PPARGC1A: variants seen among roughly 807,000 people sequenced by gnomAD.
PPARGC1A encodes the protein peroxisome proliferator-activated receptor gamma coactivator 1-alpha.
In PPARGC1A, 25 loss-of-function variants were observed where a neutral mutation model predicts 88.7. That is an observed-to-expected ratio of 0.28 (90% CI 0.21 to 0.39). PPARGC1A has a LOEUF of 0.39. Ranked by LOEUF, PPARGC1A falls within the 10% of genes least tolerant of loss-of-function variation. The probability of loss-of-function intolerance (pLI) is 1.00; values close to 1 mark genes in which losing one functional copy is unlikely to be tolerated. For missense variants in PPARGC1A, 880 were observed against 968.7 expected (o/e 0.91, Z 1.22); for synonymous variants, 363 against 355.6 (o/e 1.02, Z -0.24).
chr4:24,245,925 GCACA>G, the PPARGC1A span, among the ~76,000 whole-genome samples: 5,244 of 148,440 alleles, frequency 0.035, 202 homozygotes, highest in African/African-American at 0.092. Flanking sequence ...AAAGCCATGT[GCACA>G]CACACACACA....
the PPARGC1A span, among the ~76,000 whole-genome samples, chr4:24,046,092 C>G: frequency 3.3e-5 from 5 of 152,036 alleles, no homozygotes; most frequent in Non-Finnish European, 5.9e-5. Context: ...AACAATGTAC[C>G]CTGAACATCC....
At chr4:23,854,987 G>A (rs758406600) in intron 2 of PPARGC1A, among the ~76,000 whole-genome samples, 2 of 152,128 alleles carry the variant, frequency 1.3e-5, no homozygotes, top group African/African-American at 2.4e-5. Flanking sequence ...TAATTCCCAC[G>A]TGTGTAGGAG....
chr4:23,897,153 A>G (rs1368480933), intron 1 of PPARGC1A, among the ~76,000 whole-genome samples: 2 of 152,216 alleles, frequency 1.3e-5, no homozygotes, highest in Admixed American at 6.5e-5. Context: ...CATGTTCTCA[A>G]ATTTCCTGGG....
chr4:24,383,010 A>C, the PPARGC1A span, among the ~76,000 whole-genome samples: 1 of 152,218 alleles, frequency 6.6e-6, no homozygotes, highest in Non-Finnish European at 1.5e-5. Context: ...ACTCTCTGGG[A>C]AGAAGCTTCC....
chr4:24,040,324 T>A, the PPARGC1A span, among the ~76,000 whole-genome samples: 1 of 152,204 alleles, frequency 6.6e-6, no homozygotes. Flanking sequence ...ATTTTTCTCA[T>A]CACTGACCTC....
At chr4:23,968,740 T>A in the PPARGC1A span, among the ~76,000 whole-genome samples, 8 of 151,706 alleles carry the variant, frequency 5.3e-5, no homozygotes, top group Non-Finnish European at 8.8e-5. Context: ...CATGGTGAAA[T>A]CACATCTCTA....
At chr4:23,929,116 TG>T in the PPARGC1A span, among the ~76,000 whole-genome samples, 6,519 of 152,132 alleles carry the variant, frequency 0.043, 185 homozygotes, top group East Asian at 0.14. Flanking sequence ...ATCCTGCACA[TG>T]TACCCTGGAA....
the PPARGC1A span, among the ~76,000 whole-genome samples, chr4:24,229,095 C>A: frequency 6.7e-6 from 1 of 149,194 alleles, no homozygotes; most frequent in African/African-American, 2.5e-5. Context: ...GAGGACTGGG[C>A]CCCACTTCCA....
chr4:23,844,850 AT>A (rs1727993626), intron 2 of PPARGC1A, among the ~76,000 whole-genome samples: 1 of 122,676 alleles, frequency 8.2e-6, no homozygotes, highest in Non-Finnish European at 1.6e-5. Flanking sequence ...GATATATATT[AT>A]TATAATATAT....
the PPARGC1A span, among the ~76,000 whole-genome samples, chr4:24,262,108 C>T: frequency 1.3e-5 from 2 of 152,118 alleles, no homozygotes; most frequent in African/African-American, 4.8e-5. Flanking sequence ...CAACCCCCAC[C>T]AAGTCACCAC....
At chr4:24,049,284 A>G in the PPARGC1A span, among the ~76,000 whole-genome samples, 1 of 120,160 alleles carries the variant, frequency 8.3e-6, no homozygotes, top group East Asian at 2.4e-4. Context: ...ATACACATAT[A>G]TATGTGTGTA....
At chr4:23,802,676 CA>C (rs397823520) in intron 10 of PPARGC1A, among the ~76,000 whole-genome samples, 2,371 of 26,092 alleles carry the variant, frequency 0.091, 11 homozygotes, top group African/African-American at 0.19. Context: ...GACTCCATCT[CA>C]AAAAAAAAAA....
the PPARGC1A span, among the ~76,000 whole-genome samples, chr4:24,342,944 CTG>C: frequency 1.3e-5 from 2 of 152,162 alleles, no homozygotes; most frequent in South Asian, 4.1e-4. Flanking sequence ...TGACAGAAAA[CTG>C]GGCTAGAGAG....
At chr4:24,029,480 T>G in the PPARGC1A span, among the ~76,000 whole-genome samples, 34 of 152,214 alleles carry the variant, frequency 2.2e-4, no homozygotes, top group Non-Finnish European at 7.3e-5. Flanking sequence ...ATTGGAAATC[T>G]CAGATTGCTA....
the PPARGC1A span, among the ~76,000 whole-genome samples, chr4:24,172,334 A>G: frequency 1.3e-5 from 2 of 152,148 alleles, no homozygotes; most frequent in East Asian, 3.8e-4. Flanking sequence ...AAAGAGGACA[A>G]TTCATCAAGG....
intron 2 of PPARGC1A, among the ~76,000 whole-genome samples, chr4:23,845,662 G>A (rs575199464): frequency 4.6e-5 from 7 of 152,176 alleles, no homozygotes; most frequent in Admixed American, 1.3e-4. Flanking sequence ...TTAGAGCTTG[G>A]GATTGGGTCT....
the PPARGC1A span, among the ~76,000 whole-genome samples, chr4:24,104,192 C>T: frequency 6.6e-6 from 1 of 152,186 alleles, no homozygotes; most frequent in African/African-American, 2.4e-5. Context: ...AGCAAAAGCT[C>T]CTTAACAGTA....
the PPARGC1A span, among the ~76,000 whole-genome samples, chr4:24,125,211 G>A: frequency 6.6e-6 from 1 of 152,088 alleles, no homozygotes; most frequent in East Asian, 1.9e-4. Flanking sequence ...TAATAGTGAT[G>A]GGAATCACAT....
chr4:24,180,090 G>T, the PPARGC1A span, among the ~76,000 whole-genome samples: 1 of 152,036 alleles, frequency 6.6e-6, no homozygotes, highest in South Asian at 2.1e-4. Flanking sequence ...ACTACATGTT[G>T]AATTTGAGCT....
Sources: allele counts gnomAD v4.1 joint callset (sites outside exome capture counted in the v4.1 genomes callset), GRCh38; gene constraint gnomAD v4.1.1; transcripts MANE v1.5; gene names NCBI Gene and HGNC (gene_info 2026-07-23, HGNC 2026-07-21).